The following ANAPC1 variants were observed in gnomAD, a reference collection of about 807,000 sequenced individuals.
ANAPC1 encodes anaphase-promoting complex subunit 1.
Under a neutral mutation model 208.0 loss-of-function variants are expected in ANAPC1, and 36 were observed. The observed-to-expected ratio is 0.17, with a 90% confidence interval of 0.13 to 0.23. The LOEUF is 0.23. Ranked by LOEUF, ANAPC1 falls within the 10% of genes least tolerant of loss-of-function variation. The probability of loss-of-function intolerance (pLI) is 1.00; values close to 1 mark genes in which losing one functional copy is unlikely to be tolerated. For missense variants in ANAPC1, 942 were observed against 2,011.6 expected (o/e 0.47, Z 10.17); for synonymous variants, 378 against 695.2 (o/e 0.54, Z 7.18).
At chr2:111,872,765 T>A in intron 5 of ANAPC1, 53 bp from the exon 6 acceptor site, 3 of 1,133,062 alleles carry the variant, frequency 2.6e-6, no homozygotes, top group Middle Eastern at 2.0e-4. Flanking sequence ...TACCCCTTTA[T>A]AAAATGTTTT....
intron 21 of ANAPC1, among the ~76,000 whole-genome samples, chr2:111,829,608 G>A (rs1321853861): frequency 6.6e-6 from 1 of 152,096 alleles, no homozygotes; most frequent in African/African-American, 2.4e-5. Flanking sequence ...ATGAAGGTTT[G>A]ATCTTGGACA....
chr2:111,842,869 G>A (rs548770437), intron 17 of ANAPC1, among the ~76,000 whole-genome samples: 47 of 152,266 alleles, frequency 3.1e-4, no homozygotes, highest in African/African-American at 1.1e-3. Context: ...CTGTAAGGAT[G>A]TTACTGCAGG....
Position 111,864,015 on chromosome 2 carries a change from C to T in ANAPC1, c.832-120G>A, listed in dbSNP as rs965944717. The T allele has an allele frequency of 4.5e-5, 54 of 1,205,990 alleles. 1 individual carries two copies. The highest frequency in any genetic ancestry group is 5.4e-5 in the Non-Finnish European group (48 of 888,680). The allele number at this position is 1,205,990 out of a possible 1,614,324, so 74.7% of individuals were successfully genotyped here. ...ACTAAAGACACAGTATTTCTTCTTT[C>T]CTAAGAAGCTCAATCTATTTCTCAA... is the stretch of plus-strand genomic sequence containing the variant. On this transcript the variant is annotated intron_variant, in intron 8 of 47. Transcript: ENST00000341068.
chr2:111,796,357 G>T (rs1256889252), intron 34 of ANAPC1, among the ~76,000 whole-genome samples: 1 of 148,144 alleles, frequency 6.8e-6, no homozygotes, highest in Non-Finnish European at 1.5e-5. Flanking sequence ...TTGAGACAGG[G>T]TCTCCCTCTG....
intron 6 of ANAPC1, among the ~76,000 whole-genome samples, chr2:111,869,222 T>C (rs1295813196): frequency 6.6e-6 from 1 of 151,944 alleles, no homozygotes; most frequent in African/African-American, 2.4e-5. Flanking sequence ...AATGAGAAAA[T>C]GGCAGAGCTA....
chr2:111,864,281 G>C (rs2104564394), intron 8 of ANAPC1, among the ~76,000 whole-genome samples: 1 of 150,972 alleles, frequency 6.6e-6, no homozygotes, highest in Non-Finnish European at 1.5e-5. Context: ...AACTGTAATT[G>C]TGCCATTATA....
At chr2:111,769,681 T>TTTC (rs1199259972) in intron 47 of ANAPC1, among the ~76,000 whole-genome samples, 1 of 127,800 alleles carries the variant, frequency 7.8e-6, no homozygotes, top group Non-Finnish European at 1.6e-5. Flanking sequence ...CTGGCTTTCT[T>TTTC]TTTTTTTTTT....
chr2:111,882,159 G>C (rs1425486813), intron 1 of ANAPC1, among the ~76,000 whole-genome samples: 1 of 151,772 alleles, frequency 6.6e-6, no homozygotes, highest in Admixed American at 6.6e-5. Context: ...ACTCCAGCCT[G>C]GGCAACAGAG....
At position 111,821,224 on chromosome 2, in the gene ANAPC1, C is replaced by T. The variant is rs564863216; in HGVS notation, c.3206+15G>A. 661 of 1,585,724 alleles carry T rather than the reference C, an allele frequency of 4.2e-4. 1 individual carries two copies. Among genetic ancestry groups the T allele is most frequent in the Middle Eastern group, 3.9e-3 (17 of 4,398 alleles). ...ATGAAACATGACAAGAGATAGTGCA[C>T]GTGTTTTCTTTCACCTGTTTTCCTT... On this transcript the variant is annotated intron_variant, in intron 26 of 47. Transcript: ENST00000341068.
At chr2:111,872,808 T>C (rs1682826121) in intron 5 of ANAPC1, 96 bp from the exon 6 acceptor site, 3 of 773,338 alleles carry the variant, frequency 3.9e-6, no homozygotes, top group Non-Finnish European at 6.4e-6. Context: ...TATTTTCCAA[T>C]TTAGTAATAG....
At chr2:111,867,007 T>TTA (rs1365575792) in intron 7 of ANAPC1, among the ~76,000 whole-genome samples, 1 of 152,040 alleles carries the variant, frequency 6.6e-6, no homozygotes, top group Non-Finnish European at 1.5e-5. Flanking sequence ...AAAACCATTC[T>TTA]TATGTTGGGT....
intron 47 of ANAPC1, chr2:111,771,206 C>G (rs1676719573): frequency 6.7e-6 from 1 of 149,470 alleles, no homozygotes; most frequent in South Asian, 2.2e-4. Context: ...TTCACTTTAA[C>G]AAGCGTTGAA....
intron 46 of ANAPC1, among the ~76,000 whole-genome samples, chr2:111,773,122 T>C (rs1348605450): frequency 1.3e-5 from 2 of 152,290 alleles, no homozygotes; most frequent in Non-Finnish European, 2.9e-5. Flanking sequence ...ACCCAGGCCA[T>C]TTTTTCAATA....
At position 111,825,942 on chromosome 2, in the gene ANAPC1, T is replaced by C. The variant is rs1200616958; in HGVS notation, c.2626-87A>G. 4 of 1,280,446 alleles carry C rather than the reference T, an allele frequency of 3.1e-6. No homozygotes were observed. The East Asian group carries it at 1.0e-4, about 33-fold the overall frequency. 79.3% of individuals were successfully genotyped at this position (1,280,446 alleles called of 1,614,324 possible). A position where few individuals can be genotyped will look rare whatever the true frequency, so the allele number is the denominator to read the frequency against. ...CCCAGGCTGGAGTGCAGTGACACAA[T>C]CACAGCTCACTGCAGCCTCAAACTC... is the stretch of plus-strand genomic sequence containing the variant. On this transcript the variant is annotated intron_variant, in intron 21 of 47. Coordinates refer to ENST00000341068, the MANE Select transcript of ANAPC1 (RefSeq NM_022662.4).
At chr2:111,844,102 G>A (rs1023773640) in intron 16 of ANAPC1, among the ~76,000 whole-genome samples, 2 of 152,030 alleles carry the variant, frequency 1.3e-5, no homozygotes, top group African/African-American at 4.8e-5. Flanking sequence ...GATTACAGGT[G>A]TGAGCCACTG....
At chr2:111,871,769 C>A (rs190343743) in intron 6 of ANAPC1, among the ~76,000 whole-genome samples, 1 of 152,048 alleles carries the variant, frequency 6.6e-6, no homozygotes, top group African/African-American at 2.4e-5. Flanking sequence ...AAAGAGACTG[C>A]GTTCTTGATT....
At position 111,834,661 on chromosome 2, in the gene ANAPC1, T is replaced by C; in HGVS notation, c.2327A>G (p.Asn776Ser). 1 of 1,613,212 alleles carries C rather than the reference T, an allele frequency of 6.2e-7. No individual in the cohort carries two copies. Among genetic ancestry groups the C allele is most frequent in the Non-Finnish European group, 8.5e-7 (1 of 1,179,638 alleles). ...ACAAATTCCTTCTCCCATTAGAGTA[T>C]TCAACTTAAGCTCCTCATACACAAG... ...LHLVYEELKL[N>S]TLMGEGICSL... The change falls in exon 19 of 48, where the codon AAT (asparagine) becomes AGT (serine). Residue 776 changes from asparagine (N) to serine (S), a missense_variant. Coordinates refer to ENST00000341068, the MANE Select transcript of ANAPC1 (RefSeq NM_022662.4).
chr2:111,848,174 T>C (rs1157194726), intron 14 of ANAPC1, among the ~76,000 whole-genome samples: 1 of 151,958 alleles, frequency 6.6e-6, no homozygotes, highest in Non-Finnish European at 1.5e-5. Context: ...CCAGATACAA[T>C]GAAGTACCAG....
rs1352539715 is a variant in ANAPC1, at chr2:111,817,448, C to T, written c.3325+1392G>A. Among the ~76,000 whole-genome samples the T allele has an allele frequency of 2.6e-5, 4 of 152,102 alleles. No homozygotes were observed. In the East Asian group the frequency reaches 7.8e-4, roughly 30 times the overall value. ...AATGAACATCTATATACCATGCCTT[C>T]CATCAAGAATCAATAATTGTTAAAA... On this transcript the variant is annotated intron_variant, in intron 27 of 47. Transcript: ENST00000341068.
Sources: allele counts gnomAD v4.1 joint callset (sites outside exome capture counted in the v4.1 genomes callset), GRCh38; gene constraint gnomAD v4.1.1; transcripts MANE v1.5; gene names NCBI Gene and HGNC (gene_info 2026-07-23, HGNC 2026-07-21).